The following HMBOX1 variants were observed in gnomAD, a reference collection of about 807,000 sequenced individuals.
HMBOX1 encodes the protein homeobox-containing protein 1.
Under a neutral mutation model 54.5 loss-of-function variants are expected in HMBOX1, and 14 were observed. The ratio of observed to expected loss-of-function variants is 0.26; its 90% CI spans 0.17 to 0.40. The LOEUF (loss-of-function observed/expected upper bound fraction) is 0.40, where lower values mean the gene tolerates loss of function less well. HMBOX1 is among the 10% of genes least tolerant of loss of function. HMBOX1 has a pLI of 1.00. For missense variants in HMBOX1, 332 were observed against 514.4 expected (o/e 0.65, Z 3.43); for synonymous variants, 160 against 181.0 (o/e 0.88, Z 0.93).
chr8:28,912,457 C>T (rs1415895991), intron 1 of HMBOX1, among the ~76,000 whole-genome samples: 1 of 152,192 alleles, frequency 6.6e-6, no homozygotes, highest in Non-Finnish European at 1.5e-5. Flanking sequence ...ATTGACTATT[C>T]TCAACCCCAT....
chr8:29,045,679 T>G (rs767710467), intron 7 of HMBOX1, among the ~76,000 whole-genome samples: 7 of 152,216 alleles, frequency 4.6e-5, no homozygotes, highest in Non-Finnish European at 8.8e-5. Context: ...TGACCCTACA[T>G]GAGATATGAG....
intron 4 of HMBOX1, 129 bp downstream of exon 4, chr8:28,980,285 C>T: frequency 1.4e-6 from 1 of 712,456 alleles, no homozygotes; most frequent in East Asian, 2.6e-5. Context: ...TTATGTATGC[C>T]TGTGATTTAA....
At chr8:29,006,180 A>C (rs890936795) in intron 4 of HMBOX1, among the ~76,000 whole-genome samples, 1 of 151,674 alleles carries the variant, frequency 6.6e-6, no homozygotes, top group African/African-American at 2.4e-5. Flanking sequence ...TTTAGTAGAG[A>C]TGGGGTTTTA....
intron 6 of HMBOX1, among the ~76,000 whole-genome samples, chr8:29,044,411 G>T (rs1805281385): frequency 6.6e-6 from 1 of 152,094 alleles, no homozygotes; most frequent in African/African-American, 2.4e-5. Context: ...TAAGCATTCT[G>T]TTCCCACATG....
chr8:29,032,412 A>C (rs1803135182), intron 6 of HMBOX1, among the ~76,000 whole-genome samples: 2 of 152,150 alleles, frequency 1.3e-5, no homozygotes, highest in African/African-American at 4.8e-5. Flanking sequence ...TACATGATCA[A>C]GGAAACATCT....
chr8:29,001,943 G>A (rs1832736647), intron 4 of HMBOX1, among the ~76,000 whole-genome samples: 2 of 152,228 alleles, frequency 1.3e-5, no homozygotes, highest in Admixed American at 6.5e-5. Context: ...GGAGTTGGGT[G>A]CAAAGGCTGG....
rs1832733881 is a variant in HMBOX1 at position 29,001,915 on chromosome 8, A to C, written c.587-7157A>C. Among the ~76,000 whole-genome samples, 3 of 152,358 alleles carry C rather than the reference A, an allele frequency of 2.0e-5. No individual in the cohort carries two copies. In the South Asian group the frequency reaches 6.2e-4, roughly 32 times the overall value. On this transcript the variant is annotated intron_variant, in intron 4 of 9. Coordinates refer to ENST00000287701, the MANE Select transcript of HMBOX1 (RefSeq NM_001135726.3). ...AGAATGTAAATGCTGACTGTCTAAA[A>C]ATATGTTCTAAATATGAGGAGTTGG... is the stretch of plus-strand genomic sequence containing the variant.
chr8:28,908,137 G>A (rs1814698867), intron 1 of HMBOX1, among the ~76,000 whole-genome samples: 1 of 152,128 alleles, frequency 6.6e-6, no homozygotes, highest in Non-Finnish European at 1.5e-5. Flanking sequence ...ACAGGCATAA[G>A]CCACTGTGCC....
intron 6 of HMBOX1, among the ~76,000 whole-genome samples, chr8:29,034,131 G>C (rs1268698356): frequency 6.6e-6 from 1 of 152,218 alleles, no homozygotes; most frequent in East Asian, 1.9e-4. Flanking sequence ...TTTGGTGTTT[G>C]AAGATCTCAG....
At chr8:28,935,140 G>GAT (rs1563419566) in intron 1 of HMBOX1, among the ~76,000 whole-genome samples, 1 of 152,118 alleles carries the variant, frequency 6.6e-6, no homozygotes, top group African/African-American at 2.4e-5. Flanking sequence ...AATAAATTAA[G>GAT]ATATATACTA....
Position 29,047,437 on chromosome 8 carries a change from G to A in HMBOX1, c.1014G>A (p.Lys338=). 2.5e-6 allele frequency: 4 copies of A among 1,583,516 alleles called. No individual in the cohort carries two copies. Among genetic ancestry groups the A allele is most frequent in the Non-Finnish European group, 3.5e-6 (4 of 1,152,064 alleles). The change falls in exon 8 of 10, where the codon AAG becomes AAA. Residue 338 remains lysine (K), a synonymous_variant. Coordinates refer to ENST00000287701, the MANE Select transcript of HMBOX1 (RefSeq NM_001135726.3). The part of the protein sequence containing the change: ...NWFANRRKEI[K]RRANIEAAIL... ...TTGCTAACAGAAGGAAGGAGATCAAGAGGAGAGCCAATATTGGTAATGTAT... is the reference window on the plus strand; with the variant it reads ...TTGCTAACAGAAGGAAGGAGATCAAAAGGAGAGCCAATATTGGTAATGTAT...
chr8:28,909,903 A>T (rs898125605), intron 1 of HMBOX1, among the ~76,000 whole-genome samples: 1 of 151,654 alleles, frequency 6.6e-6, no homozygotes, highest in Non-Finnish European at 1.5e-5. Flanking sequence ...TTCATCACCC[A>T]GGCTGTAGTA....
At chr8:28,983,720 T>C (rs1014458901) in intron 4 of HMBOX1, among the ~76,000 whole-genome samples, 1 of 152,200 alleles carries the variant, frequency 6.6e-6, no homozygotes, top group African/African-American at 2.4e-5. Flanking sequence ...TGTGAAAATT[T>C]GTCCAGTGTG....
At chr8:28,935,026 T>C (rs547507613) in intron 1 of HMBOX1, among the ~76,000 whole-genome samples, 40 of 152,202 alleles carry the variant, frequency 2.6e-4, no homozygotes, top group African/African-American at 8.4e-4. Context: ...TTGCCACTTA[T>C]AGTGGCATCA....
chr8:28,914,773 A>G (rs996309073), intron 1 of HMBOX1, among the ~76,000 whole-genome samples: 60 of 152,206 alleles, frequency 3.9e-4, no homozygotes, highest in Admixed American at 2.8e-3. Context: ...TTGTTAGAAT[A>G]TATTCTACTT....
At chr8:28,986,676 G>A (rs1275734355) in intron 4 of HMBOX1, among the ~76,000 whole-genome samples, 6 of 152,102 alleles carry the variant, frequency 3.9e-5, no homozygotes, top group Non-Finnish European at 5.9e-5. Context: ...ATTCACTCAC[G>A]TTATAATTGT....
chr8:28,898,472 A>T lies in HMBOX1; in HGVS notation c.-58+7794A>T, dbSNP rs1812590768. Among the ~76,000 whole-genome samples, 8 of 152,340 alleles carry T rather than the reference A, an allele frequency of 5.3e-5. 1 individual carries two copies. In the South Asian group the frequency reaches 1.7e-3, roughly 32 times the overall value. ...TTAGGGATCATTTGGCTTCAAGGAC[A>T]GGCGTTGTAGGGATTCAGCTGTTTT... On this transcript the variant is annotated intron_variant, in intron 1 of 9. Coordinates refer to ENST00000287701, the MANE Select transcript of HMBOX1 (RefSeq NM_001135726.3).
chr8:28,952,014 A>AT (rs1482808657), intron 1 of HMBOX1, among the ~76,000 whole-genome samples: 2 of 152,100 alleles, frequency 1.3e-5, no homozygotes, highest in Non-Finnish European at 2.9e-5. Context: ...CTCTACAAAA[A>AT]TTTTTTTAAA....
At chr8:29,001,231 T>G (rs1832591810) in intron 4 of HMBOX1, among the ~76,000 whole-genome samples, 1 of 152,144 alleles carries the variant, frequency 6.6e-6, no homozygotes, top group African/African-American at 2.4e-5. Context: ...TGTGAAGAAA[T>G]CTATACCCAA....
Sources: gnomAD v4.1 joint callset for allele counts (sites outside exome capture counted in the v4.1 genomes callset) on GRCh38, gnomAD v4.1.1 for gene constraint, MANE v1.5 for transcripts, NCBI Gene and HGNC (gene_info 2026-07-23, HGNC 2026-07-21) for gene names.